The following PEBP4 variants were observed in gnomAD, a reference collection of about 807,000 sequenced individuals.
The protein encoded by PEBP4 is phosphatidylethanolamine-binding protein 4.
PEBP4 carries 22 observed loss-of-function variants against 23.9 expected under a neutral mutation model. The observed-to-expected ratio is 0.92, with a 90% confidence interval of 0.66 to 1.31. PEBP4 has a LOEUF of 1.31. Ranked by LOEUF, PEBP4 falls within the 40% of genes most tolerant of loss-of-function variation. The pLI is 0.00. For synonymous variants in PEBP4, 112 were observed against 99.3 expected, an observed-to-expected ratio of 1.13 and a Z score of -0.76; for missense variants, 324 against 281.7, an observed-to-expected ratio of 1.15 and a Z score of -1.07.
intron 3 of PEBP4, among the ~76,000 whole-genome samples, chr8:22,877,236 T>G (rs906324812): frequency 2.6e-5 from 4 of 152,248 alleles, no homozygotes; most frequent in Non-Finnish European, 4.4e-5. Flanking sequence ...TTGTCCAGTC[T>G]CTCCCTGTCC....
At chr8:22,811,628 C>T (rs1332345048) in intron 4 of PEBP4, among the ~76,000 whole-genome samples, 1 of 152,234 alleles carries the variant, frequency 6.6e-6, no homozygotes, top group Non-Finnish European at 1.5e-5. Context: ...CCCAGCATCA[C>T]ACCTGGGCTG....
rs1471086379 is a variant in PEBP4 at position 22,865,531 on chromosome 8, G to A, written c.259-47796C>T. On this transcript the variant is annotated intron_variant, in intron 3 of 6. Coordinates refer to ENST00000256404, the MANE Select transcript of PEBP4 (RefSeq NM_144962.3). This position sits in a 1 kb window ranked among gnomAD's most constrained non-coding sequence, Gnocchi z 6.9. ...GGAGCCTCGGGGAAGAGCTAAAAAA[G>A]GCAAGGCGCTGCTGCCGGTGCCGGT... Among the ~76,000 whole-genome samples, 1 of 152,132 alleles carries A rather than the reference G, an allele frequency of 6.6e-6. No homozygotes were observed. The highest frequency in any genetic ancestry group is 1.5e-5 in the Non-Finnish European group (1 of 67,994).
chr8:22,900,857 C>T (rs1182692588), intron 3 of PEBP4, among the ~76,000 whole-genome samples: 1 of 152,096 alleles, frequency 6.6e-6, no homozygotes, highest in Non-Finnish European at 1.5e-5. Flanking sequence ...ACTTCACTCA[C>T]ATCCTCATTC....
intron 3 of PEBP4, among the ~76,000 whole-genome samples, chr8:22,821,166 G>A (rs1806849630): frequency 6.6e-6 from 1 of 152,174 alleles, no homozygotes; most frequent in South Asian, 2.1e-4. Context: ...CAGCTTGGAT[G>A]ACAGAGTGAG....
At chr8:22,936,858 T>C (rs540881412) in intron 1 of PEBP4, among the ~76,000 whole-genome samples, 2 of 152,294 alleles carry the variant, frequency 1.3e-5, no homozygotes, top group African/African-American at 2.4e-5. Flanking sequence ...AAATACTACA[T>C]GGTCATCTCA....
At chr8:22,873,426 C>T (rs1044931189) in intron 3 of PEBP4, among the ~76,000 whole-genome samples, 2 of 151,878 alleles carry the variant, frequency 1.3e-5, no homozygotes, top group Non-Finnish European at 2.9e-5. Context: ...AGCCAGGAGA[C>T]TAGCCTGGGC....
chr8:22,923,345 T>C (rs1347869294), intron 2 of PEBP4, among the ~76,000 whole-genome samples: 1 of 152,154 alleles, frequency 6.6e-6, no homozygotes, highest in Non-Finnish European at 1.5e-5. Context: ...GGTGAGATGA[T>C]CACTTGAGCC....
intron 3 of PEBP4, among the ~76,000 whole-genome samples, chr8:22,914,121 G>A (rs1268718829): frequency 6.6e-6 from 1 of 151,666 alleles, no homozygotes; most frequent in African/African-American, 2.4e-5. Flanking sequence ...CCAAGTACCT[G>A]GGATTACAGG....
chr8:22,795,300 C>A (rs1806227048), intron 4 of PEBP4, among the ~76,000 whole-genome samples: 1 of 150,464 alleles, frequency 6.6e-6, no homozygotes, highest in African/African-American at 2.4e-5. Context: ...CTCAGCCTCC[C>A]AAGTAGCTGG....
At chr8:22,890,993 T>C (rs192990412) in intron 3 of PEBP4, among the ~76,000 whole-genome samples, 1 of 152,154 alleles carries the variant, frequency 6.6e-6, no homozygotes, top group Non-Finnish European at 1.5e-5. Flanking sequence ...CACATCCGAC[T>C]AATTGTTTGT....
At chr8:22,816,089 C>T (rs149697031) in intron 4 of PEBP4, among the ~76,000 whole-genome samples, 212 of 152,340 alleles carry the variant, frequency 1.4e-3, no homozygotes, top group African/African-American at 4.6e-3. Context: ...AAAATGACAA[C>T]GCTCTAGCCT....
At chr8:22,813,905 G>A (rs745459401) in intron 4 of PEBP4, among the ~76,000 whole-genome samples, 12 of 152,158 alleles carry the variant, frequency 7.9e-5, no homozygotes, top group East Asian at 5.8e-4. Context: ...TGGGGGTCTC[G>A]TAATACCACC....
chr8:22,774,106 G>T (rs763108461), intron 4 of PEBP4, among the ~76,000 whole-genome samples: 1 of 152,196 alleles, frequency 6.6e-6, no homozygotes, highest in African/African-American at 2.4e-5. Context: ...CAGGATGGAG[G>T]AAAGTGCTCT....
chr8:22,913,426 T>G (rs1808991117), intron 3 of PEBP4, among the ~76,000 whole-genome samples: 1 of 152,080 alleles, frequency 6.6e-6, no homozygotes, highest in Non-Finnish European at 1.5e-5. Flanking sequence ...TTCCCCACGC[T>G]CTGCCCCAAA....
chr8:22,829,217 T>C (rs1010147079), intron 3 of PEBP4, among the ~76,000 whole-genome samples: 13 of 152,194 alleles, frequency 8.5e-5, no homozygotes, highest in African/African-American at 2.7e-4. Flanking sequence ...TTTACTTCCA[T>C]GTGTGACCTG....
At chr8:22,765,542 T>A (rs1356922056) in intron 4 of PEBP4, among the ~76,000 whole-genome samples, 1 of 152,216 alleles carries the variant, frequency 6.6e-6, no homozygotes, top group East Asian at 1.9e-4. Context: ...AGGGACCCCC[T>A]GCCTCTGTTC....
At chr8:22,787,195 A>C (rs1806047052) in intron 4 of PEBP4, among the ~76,000 whole-genome samples, 1 of 152,168 alleles carries the variant, frequency 6.6e-6, no homozygotes, top group African/African-American at 2.4e-5. Flanking sequence ...GGGTTCCTCT[A>C]GGAACACTAT....
chr8:22,913,981 G>A (rs915255297), intron 3 of PEBP4, among the ~76,000 whole-genome samples: 1 of 140,000 alleles, frequency 7.1e-6, no homozygotes, highest in Non-Finnish European at 1.5e-5. Flanking sequence ...ACCAGGCCTG[G>A]CTACTTTTTT....
At chr8:22,795,830 G>T (rs922041048) in intron 4 of PEBP4, among the ~76,000 whole-genome samples, 3 of 152,098 alleles carry the variant, frequency 2.0e-5, no homozygotes, top group African/African-American at 7.2e-5. Flanking sequence ...CCACTTGTTA[G>T]TATAAAAATA....
Sources: allele counts gnomAD v4.1 joint callset (sites outside exome capture counted in the v4.1 genomes callset), GRCh38; gene constraint gnomAD v4.1.1; non-coding constraint Gnocchi (gnomAD v3.1); transcripts MANE v1.5; gene names NCBI Gene and HGNC (gene_info 2026-07-23, HGNC 2026-07-21).